Variants in ABCD2 observed in about 807,000 individuals in gnomAD.
ABCD2 encodes ATP binding cassette subfamily D member 2.
In ABCD2, 36 loss-of-function variants were observed where a neutral mutation model predicts 70.9. The ratio of observed to expected loss-of-function variants is 0.51; its 90% CI spans 0.39 to 0.67. The LOEUF is 0.67. Among genes scored for constraint, ABCD2 ranks in the 30% least tolerant of loss-of-function variants. The pLI, the probability that ABCD2 is intolerant of heterozygous loss-of-function variation, is 0.00. For synonymous variants in ABCD2, 304 were observed against 306.9 expected, an observed-to-expected ratio of 0.99 and a Z score of 0.10; for missense variants, 729 against 890.2, an observed-to-expected ratio of 0.82 and a Z score of 2.30.
At chr12:39,612,958 A>T (rs1306241000) in intron 2 of ABCD2, among the ~76,000 whole-genome samples, 1 of 152,176 alleles carries the variant, frequency 6.6e-6, no homozygotes, top group Admixed American at 6.5e-5. Context: ...CTAGTAGCTT[A>T]GACACTCTTT....
rs2120509503 is a variant in ABCD2 at position 39,552,483 on chromosome 12, A to G, written c.*1429T>C. The G allele has an allele frequency of 6.6e-6, 1 of 152,066 alleles. No individual in the cohort carries two copies. Among genetic ancestry groups the G allele is most frequent in the East Asian group, 1.9e-4 (1 of 5,186 alleles). 9.4% of individuals were successfully genotyped at this position (152,066 alleles called of 1,614,324 possible). ...GGCTTTCCAGCTCCAGTGCACACAA[A>G]TAGAATAAAATCTATTTCATATGAC... On this transcript the variant is annotated 3_prime_UTR_variant, in exon 10 of 10. Coordinates refer to ENST00000308666, the MANE Select transcript of ABCD2 (RefSeq NM_005164.4).
At chr12:39,578,507 T>C (rs1324672997) in intron 8 of ABCD2, among the ~76,000 whole-genome samples, 1 of 150,124 alleles carries the variant, frequency 6.7e-6, no homozygotes, top group Non-Finnish European at 1.5e-5. Context: ...AGTAACATAG[T>C]TTCTGACAAC....
chr12:39,532,778 A>G, the ABCD2 span, among the ~76,000 whole-genome samples: 4 of 152,228 alleles, frequency 2.6e-5, no homozygotes, highest in African/African-American at 9.6e-5. Context: ...AAAAGAAAAT[A>G]TCTATAATAT....
At chr12:39,573,687 T>G in intron 9 of ABCD2, 29 bp downstream of exon 9, 1 of 1,586,558 alleles carries the variant, frequency 6.3e-7, no homozygotes, top group Non-Finnish European at 8.6e-7. Flanking sequence ...AAAAACCATC[T>G]ACCACAAATT....
At chr12:39,569,630 G>T (rs1476199767) in intron 9 of ABCD2, among the ~76,000 whole-genome samples, 1 of 151,876 alleles carries the variant, frequency 6.6e-6, no homozygotes, top group Non-Finnish European at 1.5e-5. Flanking sequence ...TGCACCCACT[G>T]TCCTGCACCC....
chr12:39,573,793 A>G lies in ABCD2; in HGVS notation c.1926T>C (p.Asp642=). Residue 642 remains aspartate, a synonymous_variant, in exon 9 of 10, where the codon GAT becomes GAC. Coordinates refer to ENST00000308666, the MANE Select transcript of ABCD2 (RefSeq NM_005164.4). The part of the protein sequence containing the change: ...LDECTSAVSI[D]VEGKIFQAAK... ...CAGCCTGAAATATCTTTCCTTCGAC[A>G]TCAATGCTGACAGCACTGGTACATT... 6.2e-7 allele frequency: 1 copy of G among 1,613,402 alleles called. No homozygotes were observed. Among genetic ancestry groups the G allele is most frequent in the Non-Finnish European group, 8.5e-7 (1 of 1,179,434 alleles).
At chr12:39,610,078 G>A (rs893479583) in intron 2 of ABCD2, among the ~76,000 whole-genome samples, 3 of 152,100 alleles carry the variant, frequency 2.0e-5, no homozygotes, top group Admixed American at 6.5e-5. Context: ...TTTGAGAGAC[G>A]TCTTGAAGAT....
the ABCD2 span, chr12:39,539,512 T>C: frequency 3.1e-5 from 5 of 160,136 alleles, no homozygotes; most frequent in African/African-American, 4.8e-5. Context: ...CCACTGAGAC[T>C]CTTTTCCTCA....
intron 7 of ABCD2, among the ~76,000 whole-genome samples, chr12:39,582,860 ATTTT>A (rs768887989): frequency 7.0e-6 from 1 of 143,140 alleles, no homozygotes; most frequent in Non-Finnish European, 1.5e-5. Context: ...TTAGCTACTA[ATTTT>A]TTTTTTTTTT....
At chr12:39,595,788 C>G (rs1299362093) in intron 6 of ABCD2, among the ~76,000 whole-genome samples, 1 of 152,178 alleles carries the variant, frequency 6.6e-6, no homozygotes, top group East Asian at 1.9e-4. Flanking sequence ...GTTGTGGAAG[C>G]AAGCTACCGT....
intron 2 of ABCD2, among the ~76,000 whole-genome samples, chr12:39,608,548 C>A (rs1405703845): frequency 6.6e-6 from 1 of 151,750 alleles, no homozygotes; most frequent in Non-Finnish European, 1.5e-5. Context: ...ATTAGCCGGG[C>A]ATGATGGCAG....
At chr12:39,618,148 G>A (rs967310636) in intron 1 of ABCD2, among the ~76,000 whole-genome samples, 2 of 151,588 alleles carry the variant, frequency 1.3e-5, no homozygotes, top group African/African-American at 2.4e-5. Context: ...ACTCTCCTAC[G>A]CTTCTTGGGA....
the ABCD2 span, among the ~76,000 whole-genome samples, chr12:39,536,808 T>G: frequency 1.3e-5 from 2 of 152,234 alleles, no homozygotes; most frequent in Admixed American, 1.3e-4. Context: ...GTTTGTTTTT[T>G]GGCCAGCAGC....
At chr12:39,604,027 A>C (rs1941936748) in intron 4 of ABCD2, 21 bp from the exon 5 acceptor site, 7 of 1,510,070 alleles carry the variant, frequency 4.6e-6, no homozygotes, top group Non-Finnish European at 6.4e-6. Context: ...GAAAAAGTGT[A>C]AGATACAAAC....
At chr12:39,548,358 C>T (rs1941046624), downstream of ABCD2, among the ~76,000 whole-genome samples, 2 of 152,070 alleles carry the variant, frequency 1.3e-5, no homozygotes, top group Admixed American at 1.3e-4. Context: ...GTAACCCCCT[C>T]TTAGGTCAAG....
rs74837481 is a variant in ABCD2 at position 39,579,462 on chromosome 12, T to A, written c.1877+73A>T. Reference sequence around the variant, plus strand: ...TGAAGACGATAAATCCTGTCCAAACTTTTGTTGTTCCTATTGTTGCTTGGT... The same window carrying A: ...TGAAGACGATAAATCCTGTCCAAACATTTGTTGTTCCTATTGTTGCTTGGT... On this transcript the variant is annotated intron_variant, in intron 8 of 9. Coordinates refer to ENST00000308666, the MANE Select transcript of ABCD2 (RefSeq NM_005164.4). 2.1e-4 allele frequency: 227 copies of A among 1,070,218 alleles called. 2 individuals carry two copies. In the African/African-American group the frequency reaches 3.3e-3, roughly 15 times the overall value. The allele number at this position is 1,070,218 out of a possible 1,614,324, so 66.3% of individuals were successfully genotyped here.
At chr12:39,545,088 T>C (rs1941013828), downstream of ABCD2, among the ~76,000 whole-genome samples, 1 of 152,206 alleles carries the variant, frequency 6.6e-6, no homozygotes. Context: ...GCATAATTTT[T>C]GTCTCTCTAG....
intron 6 of ABCD2, among the ~76,000 whole-genome samples, chr12:39,589,551 C>A (rs1246550756): frequency 6.6e-6 from 1 of 151,926 alleles, no homozygotes; most frequent in Non-Finnish European, 1.5e-5. Context: ...CCACGCCTGG[C>A]TAATTTTTTG....
chr12:39,618,720 A>G lies in ABCD2; in HGVS notation c.896T>C (p.Ile299Thr). Residue 299 changes from isoleucine (I) to threonine (T), a missense_variant, in exon 1 of 10, where the codon ATT (isoleucine) becomes ACT (threonine). By Grantham distance (89) the Ile-to-Thr change is moderately conservative. Coordinates refer to ENST00000308666, the MANE Select transcript of ABCD2 (RefSeq NM_005164.4). ...GGCAATTTCTTCTACATTGGCTATAATTCTCGAGTGCACATACCGCAAATA... is the reference window on the plus strand; with the variant it reads ...GGCAATTTCTTCTACATTGGCTATAGTTCTCGAGTGCACATACCGCAAATA... ...KGYLRYVHSR[I>T]IANVEEIAFY... is the part of the protein sequence containing the mutation. 2 of 1,614,200 alleles carry G rather than the reference A, an allele frequency of 1.2e-6. No individual in the cohort carries two copies. The highest frequency in any genetic ancestry group is 1.7e-6 in the Non-Finnish European group (2 of 1,180,026).
Sources: gnomAD v4.1 joint callset for allele counts (sites outside exome capture counted in the v4.1 genomes callset) on GRCh38, gnomAD v4.1.1 for gene constraint, MANE v1.5 for transcripts, NCBI Gene and HGNC (gene_info 2026-07-23, HGNC 2026-07-21) for gene names.